The following GALK2 variants were observed in gnomAD, a reference collection of about 807,000 sequenced individuals.
GALK2 encodes the protein galactokinase 2.
In GALK2, 36 loss-of-function variants were observed where a neutral mutation model predicts 52.4. The observed-to-expected ratio is 0.69, with a 90% CI of 0.53 to 0.91. The LOEUF is 0.91. Ranked by LOEUF, GALK2 falls within the 40% of genes least tolerant of loss-of-function variation. The probability of loss-of-function intolerance (pLI) is 0.00; values close to 1 mark genes in which losing one functional copy is unlikely to be tolerated. For missense variants in GALK2, 579 were observed against 559.1 expected (o/e 1.04, Z -0.36); for synonymous variants, 176 against 199.1 (o/e 0.88, Z 0.98).
intron 9 of GALK2, among the ~76,000 whole-genome samples, chr15:49,324,556 T>C (rs2037176015): frequency 6.6e-6 from 1 of 152,096 alleles, no homozygotes; most frequent in African/African-American, 2.4e-5. Context: ...AAAGTAGACA[T>C]GTGGGCATAT....
At chr15:49,325,470 T>G (rs763921230) in intron 9 of GALK2, among the ~76,000 whole-genome samples, 2 of 152,272 alleles carry the variant, frequency 1.3e-5, no homozygotes, top group Non-Finnish European at 2.9e-5. Flanking sequence ...TTGGTTCACT[T>G]ACTTTTCTTT....
chr15:49,363,533 T>C (rs2044610576), intron 3 of GALK2, among the ~76,000 whole-genome samples: 1 of 152,156 alleles, frequency 6.6e-6, no homozygotes, highest in Non-Finnish European at 1.5e-5. Flanking sequence ...GCAGAGACGA[T>C]TGGTTTTGCT....
rs548865053 is a variant in GALK2 at position 49,322,960 on chromosome 15, T to TAA, written c.1169+3170_1169+3171dup. On this transcript the variant is annotated intron_variant, in intron 9 of 9. Transcript: ENST00000560031. ...GGACAGAGCAAGACTCCATCTCAGG[T>TAA]AAAAAAAAAAAAAAAAGAAAAAAAA... Among the ~76,000 whole-genome samples, 643 of 68,120 alleles carry TAA rather than the reference T, an allele frequency of 9.4e-3. 9 individuals carry two copies. The highest frequency in any genetic ancestry group is 0.034 in the African/African-American group (607 of 17,700). 44.7% of individuals were successfully genotyped at this position (68,120 alleles called of 152,430 possible).
intron 9 of GALK2, among the ~76,000 whole-genome samples, chr15:49,324,580 C>A (rs1016094232): frequency 6.6e-6 from 1 of 152,030 alleles, no homozygotes; most frequent in African/African-American, 2.4e-5. Context: ...CTTATCCTTT[C>A]TCATTTGAAC....
At chr15:49,198,456 T>G (rs2087434608) in intron 1 of GALK2, among the ~76,000 whole-genome samples, 1 of 152,216 alleles carries the variant, frequency 6.6e-6, no homozygotes, top group African/African-American at 2.4e-5. Context: ...CATGTTTCTA[T>G]CCTATTTAAA....
chr15:49,225,022 A>G (rs374726008), intron 3 of GALK2, among the ~76,000 whole-genome samples: 1 of 152,178 alleles, frequency 6.6e-6, no homozygotes. Flanking sequence ...GGTGCTTAAG[A>G]GTGGTGGCCA....
At chr15:49,317,158 T>G (rs1408334913) in intron 8 of GALK2, among the ~76,000 whole-genome samples, 5 of 152,126 alleles carry the variant, frequency 3.3e-5, no homozygotes, top group African/African-American at 1.2e-4. Context: ...CTCAACCTCA[T>G]TTTAGAGGTG....
intron 5 of GALK2, among the ~76,000 whole-genome samples, chr15:49,275,574 G>A (rs906577586): frequency 3.4e-4 from 51 of 152,168 alleles, no homozygotes; most frequent in African/African-American, 1.1e-3. Context: ...AGAGCCTTGT[G>A]TTCTGAATAG....
intron 5 of GALK2, among the ~76,000 whole-genome samples, chr15:49,242,240 G>A (rs148572197): frequency 0.014 from 2,109 of 152,310 alleles, 24 homozygotes; most frequent in Non-Finnish European, 0.022. Context: ...ACTGAAGAGA[G>A]TTTAATAAAG....
Position 49,308,540 on chromosome 15 carries a change from T to C in GALK2, c.968-11064T>C, listed in dbSNP as rs766871032. Among the ~76,000 whole-genome samples the C allele has an allele frequency of 1.9e-4, 29 of 152,244 alleles. No homozygotes were observed. The East Asian group carries it at 2.1e-3, about 11-fold the overall frequency. On this transcript the variant is annotated intron_variant, in intron 8 of 9. Transcript: ENST00000560031. The stretch of plus-strand genomic sequence containing the variant: ...TAATGAAATATTCTTAAAATACTTA[T>C]TGCTTTTTAGCTTGATAGCTGAAAA...
chr15:49,289,109 C>A (rs768883388), intron 7 of GALK2, among the ~76,000 whole-genome samples: 25 of 152,132 alleles, frequency 1.6e-4, no homozygotes, highest in Non-Finnish European at 2.8e-4. Flanking sequence ...GGATTAAGTT[C>A]TTTATGATAA....
At chr15:49,242,225 G>C (rs2091131259) in intron 5 of GALK2, among the ~76,000 whole-genome samples, 1 of 152,170 alleles carries the variant, frequency 6.6e-6, no homozygotes, top group African/African-American at 2.4e-5. Context: ...GACATGTTAG[G>C]TATAACTGAA....
intron 8 of GALK2, among the ~76,000 whole-genome samples, chr15:49,302,571 A>C (rs997552173): frequency 6.6e-6 from 1 of 152,194 alleles, no homozygotes; most frequent in Non-Finnish European, 1.5e-5. Context: ...GTGCTTTACA[A>C]TGTAAAAAGG....
chr15:49,329,580 A>G lies in GALK2; in HGVS notation c.*1421A>G, dbSNP rs1355046017. 3.0e-6 allele frequency: 3 copies of G among 984,236 alleles called. No individual in the cohort carries two copies. In the African/African-American group the frequency reaches 5.2e-5, roughly 17 times the overall value. 61.0% of individuals were successfully genotyped at this position (984,236 alleles called of 1,614,324 possible). A position where few individuals can be genotyped will look rare whatever the true frequency, so the allele number is the denominator to read the frequency against. On this transcript the variant is annotated 3_prime_UTR_variant, in exon 10 of 10. Coordinates refer to ENST00000560031, the MANE Select transcript of GALK2 (RefSeq NM_002044.4). The stretch of plus-strand genomic sequence containing the variant: ...TACATAGAATACTAGGAAAGCCAAT[A>G]TTCTATTTAAAAATAAACTTCTGAT...
chr15:49,287,654 T>G (rs980789732), intron 7 of GALK2, among the ~76,000 whole-genome samples: 4 of 152,208 alleles, frequency 2.6e-5, no homozygotes, highest in African/African-American at 9.6e-5. Flanking sequence ...GACCAAACTT[T>G]CTGTTTTCCA....
intron 3 of GALK2, among the ~76,000 whole-genome samples, chr15:49,348,780 T>C (rs1323950865): frequency 6.6e-6 from 1 of 152,228 alleles, no homozygotes; most frequent in Non-Finnish European, 1.5e-5. Flanking sequence ...CCTGATTTTA[T>C]TGACCAACAA....
At chr15:49,235,082 C>T (rs1442487224) in intron 3 of GALK2, among the ~76,000 whole-genome samples, 1 of 152,092 alleles carries the variant, frequency 6.6e-6, no homozygotes, top group Admixed American at 6.5e-5. Context: ...TATGTTTTTC[C>T]ATTGTAGTTC....
intron 5 of GALK2, among the ~76,000 whole-genome samples, chr15:49,257,945 T>A (rs1047360347): frequency 5.4e-5 from 8 of 149,484 alleles, no homozygotes; most frequent in South Asian, 4.2e-4. Context: ...TTATTTAATT[T>A]TAATTATAAT....
intron 3 of GALK2, chr15:49,365,592 A>C: frequency 1.0e-6 from 1 of 967,410 alleles, no homozygotes; most frequent in Non-Finnish European, 1.7e-6. Context: ...TACTCTCACC[A>C]TTCTTTGTGA....
Sources: gnomAD v4.1 joint callset for allele counts (sites outside exome capture counted in the v4.1 genomes callset) on GRCh38, gnomAD v4.1.1 for gene constraint, MANE v1.5 for transcripts, NCBI Gene and HGNC (gene_info 2026-07-23, HGNC 2026-07-21) for gene names.